The following PROS1 variants were observed in gnomAD, a reference collection of about 807,000 sequenced individuals.
The protein encoded by PROS1 is vitamin K-dependent protein S.
In PROS1, 29 loss-of-function variants were observed where a neutral mutation model predicts 75.9. The observed-to-expected ratio is 0.38, with a 90% confidence interval of 0.28 to 0.52. The LOEUF (loss-of-function observed/expected upper bound fraction) is 0.52, where lower values mean the gene tolerates loss of function less well. Among genes scored for constraint, PROS1 ranks in the 20% least tolerant of loss-of-function variants. The probability of loss-of-function intolerance (pLI) is 0.83; values close to 1 mark genes in which losing one functional copy is unlikely to be tolerated. For synonymous variants in PROS1, 245 were observed against 280.6 expected (o/e 0.87, Z 1.27); for missense variants, 680 against 810.3 (o/e 0.84, Z 1.95).
At chr3:93,884,483 A>G in intron 12 of PROS1, among the ~76,000 whole-genome samples, 1 of 152,262 alleles carries the variant, frequency 6.6e-6, no homozygotes, top group East Asian at 1.9e-4. Flanking sequence ...GAATTTACCC[A>G]TAAGGAATCA....
intron 1 of PROS1, among the ~76,000 whole-genome samples, chr3:93,955,080 G>T (rs141487929): frequency 0.01 from 1,532 of 152,272 alleles, 33 homozygotes; most frequent in African/African-American, 0.034. Context: ...GAAACAACAG[G>T]TGCTGGAGAG....
intron 1 of PROS1, among the ~76,000 whole-genome samples, chr3:93,971,505 C>A (rs1709880988): frequency 6.6e-6 from 1 of 151,934 alleles, no homozygotes; most frequent in South Asian, 2.1e-4. Context: ...GTGGCTCACA[C>A]CTGTAATCCC....
chr3:93,952,355 G>T (rs1459129115), intron 1 of PROS1, among the ~76,000 whole-genome samples: 6 of 152,092 alleles, frequency 3.9e-5, no homozygotes, highest in African/African-American at 1.2e-4. Flanking sequence ...AAATCTAAAA[G>T]AACAGAAATT....
intron 1 of PROS1, among the ~76,000 whole-genome samples, chr3:93,940,115 G>T (rs779182811): frequency 6.6e-6 from 1 of 152,190 alleles, no homozygotes; most frequent in South Asian, 2.1e-4. Flanking sequence ...AGGAATGCCC[G>T]CAGCCCGGGA....
intron 1 of PROS1, among the ~76,000 whole-genome samples, chr3:93,938,530 G>C (rs1024042660): frequency 6.6e-6 from 1 of 152,050 alleles, no homozygotes; most frequent in Non-Finnish European, 1.5e-5. Flanking sequence ...ATCCACCCAC[G>C]ACCTCAGGTC....
intron 1 of PROS1, among the ~76,000 whole-genome samples, chr3:93,932,146 C>G (rs1709115742): frequency 6.6e-6 from 1 of 152,224 alleles, no homozygotes; most frequent in Admixed American, 6.5e-5. Context: ...GCAGCAATAT[C>G]TAAAAGTTCC....
At chr3:93,877,386 A>G (rs1708207069) in intron 13 of PROS1, among the ~76,000 whole-genome samples, 195 bp from the exon 14 acceptor site, 1 of 152,222 alleles carries the variant, frequency 6.6e-6, no homozygotes, top group South Asian at 2.1e-4. Flanking sequence ...AAAATTTAAA[A>G]TACACATTAG....
chr3:93,960,418 C>T (rs1360786100), intron 1 of PROS1, among the ~76,000 whole-genome samples: 18 of 151,630 alleles, frequency 1.2e-4, no homozygotes, highest in African/African-American at 4.1e-4. Flanking sequence ...CCCTGAGATC[C>T]GCCCGCCTCG....
rs1235555742 is a variant in PROS1, at chr3:93,873,831, TAAAC to T, written c.*410_*413del. ...CTTCATCAGGAAAAAAACAAAAACA[TAAAC>T]AAAATAGTATCTGCCTATGATTAAT... On this transcript the variant is annotated 3_prime_UTR_variant, in exon 15 of 15. Transcript: ENST00000394236. 1.0e-5 allele frequency: 2 copies of T among 196,352 alleles called. No homozygotes were observed. Among genetic ancestry groups the T allele is most frequent in the African/African-American group, 2.4e-5 (1 of 41,834 alleles). 12.2% of individuals were successfully genotyped at this position (196,352 alleles called of 1,614,324 possible). A position where few individuals can be genotyped will look rare whatever the true frequency, so the allele number is the denominator to read the frequency against.
At chr3:93,879,377 AT>A in intron 12 of PROS1, 63 bp from the exon 13 acceptor site, 3 of 1,550,326 alleles carry the variant, frequency 1.9e-6, no homozygotes, top group Non-Finnish European at 2.7e-6. Flanking sequence ...AGAAGGAATT[AT>A]TATTAACACA....
At chr3:93,893,176 T>C (rs1708457698) in intron 9 of PROS1, 54 bp from the exon 10 acceptor site, 3 of 1,465,266 alleles carry the variant, frequency 2.0e-6, no homozygotes, top group East Asian at 2.4e-5. Context: ...GAAAGCTCAA[T>C]GCATTATTCT....
intron 1 of PROS1, among the ~76,000 whole-genome samples, chr3:93,941,239 A>G (rs917586763): frequency 6.6e-6 from 1 of 152,094 alleles, no homozygotes; most frequent in Non-Finnish European, 1.5e-5. Context: ...CTGCCTTTGA[A>G]TCTTCTCAAA....
At chr3:93,927,815 CAA>C (rs1475713236) in intron 1 of PROS1, among the ~76,000 whole-genome samples, 1 of 139,106 alleles carries the variant, frequency 7.2e-6, no homozygotes, top group East Asian at 2.2e-4. Flanking sequence ...CCAGCCTGGG[CAA>C]AATAGTGAGA....
At chr3:93,970,758 T>A (rs1295466870) in intron 1 of PROS1, among the ~76,000 whole-genome samples, 4 of 152,298 alleles carry the variant, frequency 2.6e-5, no homozygotes, top group African/African-American at 9.6e-5. Context: ...CTTTTTTTAT[T>A]TTTAAAACAA....
chr3:93,938,661 T>A (rs1372206254), intron 1 of PROS1, among the ~76,000 whole-genome samples: 1 of 152,168 alleles, frequency 6.6e-6, no homozygotes, highest in East Asian at 1.9e-4. Flanking sequence ...TCCTTCAATC[T>A]CCCTGTCCTT....
intron 3 of PROS1, among the ~76,000 whole-genome samples, chr3:93,917,283 TTG>T (rs1316144112): frequency 6.6e-6 from 1 of 152,076 alleles, no homozygotes; most frequent in African/African-American, 2.4e-5. Flanking sequence ...TTTTGTTTGT[TTG>T]TTTTGTTTTG....
At chr3:93,927,176 G>A in intron 2 of PROS1, 74 bp downstream of exon 2, 2 of 1,559,760 alleles carry the variant, frequency 1.3e-6, no homozygotes, top group Non-Finnish European at 1.8e-6. Flanking sequence ...ACAGAAGGAA[G>A]TACAGGCTGG....
intron 1 of PROS1, among the ~76,000 whole-genome samples, chr3:93,947,909 C>A (rs1048915866): frequency 1.3e-5 from 2 of 152,138 alleles, no homozygotes; most frequent in African/African-American, 4.8e-5. Flanking sequence ...TCCCCCCTTA[C>A]CTTGGCATTG....
intron 1 of PROS1, among the ~76,000 whole-genome samples, chr3:93,945,345 C>A (rs1378623367): frequency 1.3e-5 from 2 of 152,046 alleles, no homozygotes; most frequent in Non-Finnish European, 1.5e-5. Context: ...CTGGCAGAGA[C>A]ACAACAACAA....
Sources: allele counts gnomAD v4.1 joint callset (sites outside exome capture counted in the v4.1 genomes callset), GRCh38; gene constraint gnomAD v4.1.1; transcripts MANE v1.5; gene names NCBI Gene and HGNC (gene_info 2026-07-23, HGNC 2026-07-21).